The following GREM1 variants were observed in gnomAD, a reference collection of about 807,000 sequenced individuals.
GREM1 encodes gremlin 1, DAN family BMP antagonist.
GREM1 carries 6 observed loss-of-function variants against 13.1 expected under a neutral mutation model. The ratio of observed to expected loss-of-function variants is 0.46; its 90% CI spans 0.25 to 0.91. The LOEUF is 0.91. GREM1 is among the 40% of genes least tolerant of loss of function. The pLI is 0.18. For missense variants in GREM1, 185 were observed against 233.9 expected (o/e 0.79, Z 1.36); for synonymous variants, 98 against 93.7 (o/e 1.05, Z -0.27).
intron 1 of GREM1, among the ~76,000 whole-genome samples, chr15:32,728,267 A>G (rs1333262844): frequency 1.2e-4 from 19 of 152,256 alleles, no homozygotes; most frequent in Admixed American, 1.2e-3. Context: ...CAAAAACAGC[A>G]TGGTATAGTA....
intron 1 of GREM1, among the ~76,000 whole-genome samples, chr15:32,721,514 C>T (rs1032236245): frequency 1.3e-5 from 2 of 152,190 alleles, no homozygotes; most frequent in African/African-American, 4.8e-5. Context: ...TAAGCACTTT[C>T]GGAGACTGAG....
intron 1 of GREM1, chr15:32,718,602 G>C (rs1421970348): frequency 1.0e-5 from 4 of 387,672 alleles, no homozygotes; most frequent in Non-Finnish European, 2.0e-5. Context: ...CATGTGCTTG[G>C]GGCGCCGCGC....
chr15:32,731,040 T>G lies in GREM1; in HGVS notation c.350T>G (p.Phe117Cys). The G allele has an allele frequency of 6.2e-7, 1 of 1,614,216 alleles. No individual in the cohort carries two copies. The highest frequency in any genetic ancestry group is 8.5e-7 in the Non-Finnish European group (1 of 1,180,026). The change falls in exon 2 of 2, where the codon TTC becomes TGC. Residue 117 changes from phenylalanine (F) to cysteine (C), a missense_variant. Phe to Cys is a radical substitution (Grantham distance 205). Coordinates refer to ENST00000651154, the MANE Select transcript of GREM1 (RefSeq NM_013372.7). ...GCNSRTIINRFCYGQCNSFYI... is the reference protein window; with the variant it reads ...GCNSRTIINRCCYGQCNSFYI... ...AACAGTCGCACCATCATCAACCGCT[T>G]CTGTTACGGCCAGTGCAACTCTTTC...
chr15:32,731,668 T>G lies in GREM1; in HGVS notation c.*423T>G, dbSNP rs1055514361. 3.7e-6 allele frequency: 1 copy of G among 271,554 alleles called. No individual in the cohort carries two copies. 16.8% of individuals were successfully genotyped at this position (271,554 alleles called of 1,614,324 possible). On this transcript the variant is annotated 3_prime_UTR_variant, in exon 2 of 2. Coordinates refer to ENST00000651154, the MANE Select transcript of GREM1 (RefSeq NM_013372.7). ...GCAAGAGACCTGTTTTAGTGCTGCA[T>G]TCGACATGGAAAAGTCCTTTTAACC...
At position 32,744,266 on chromosome 15, in the gene GREM1, T is replaced by G. The variant is rs1567119913; in HGVS notation, c.*13021T>G. 6.6e-6 allele frequency: 1 copy of G among 152,154 alleles called. No homozygotes were observed. Among genetic ancestry groups the G allele is most frequent in the Non-Finnish European group, 1.5e-5 (1 of 68,028 alleles). The allele number at this position is 152,154 out of a possible 1,614,324, so 9.4% of individuals were successfully genotyped here. A position where few individuals can be genotyped will look rare whatever the true frequency, so the allele number is the denominator to read the frequency against. On this transcript the variant is annotated 3_prime_UTR_variant, in exon 2 of 2. Coordinates refer to ENST00000651154, the MANE Select transcript of GREM1 (RefSeq NM_013372.7). ...AAGTGCCCTAACCAGTATCTACATC[T>G]GAGTCATTAAGAAAGTTTCAGACAG...
At chr15:32,719,166 A>G (rs969367594) in intron 1 of GREM1, among the ~76,000 whole-genome samples, 1 of 152,238 alleles carries the variant, frequency 6.6e-6, no homozygotes, top group Non-Finnish European at 1.5e-5. Flanking sequence ...GAGCAAGGCC[A>G]TAGCAGGGGA....
At chr15:32,725,645 A>T (rs2055489350) in intron 1 of GREM1, among the ~76,000 whole-genome samples, 1 of 152,096 alleles carries the variant, frequency 6.6e-6, no homozygotes, top group African/African-American at 2.4e-5. Context: ...GTTTAATTAG[A>T]TCCAATTTGT....
intron 1 of GREM1, among the ~76,000 whole-genome samples, chr15:32,719,237 C>G (rs146708309): frequency 6.6e-6 from 1 of 152,340 alleles, no homozygotes; most frequent in East Asian, 1.9e-4. Context: ...AGACTACAGA[C>G]TCCGGAAGAA....
At position 32,731,000 on chromosome 15, in the gene GREM1, C is replaced by CA; in HGVS notation, c.311dup (p.His104GlnfsTer57). ...AACCCAGCCGCTTAAGCAGACCATC[C>CA]ACGAGGAAGGCTGCAACAGTCGCAC... On this transcript the variant is annotated frameshift_variant, in exon 2 of 2. Coordinates refer to ENST00000651154, the MANE Select transcript of GREM1 (RefSeq NM_013372.7). LOFTEE classifies it high-confidence loss of function. 1 of 1,614,214 alleles carries CA rather than the reference C, an allele frequency of 6.2e-7. No individual in the cohort carries two copies. The highest frequency in any genetic ancestry group is 8.5e-7 in the Non-Finnish European group (1 of 1,180,034).
chr15:32,738,154 G>C lies in GREM1; in HGVS notation c.*6909G>C, dbSNP rs1391690412. ...AAAAAGAAAAGAAAAAAGTCATCCAGATTGGAAAAGAAATAAAATGATTTC... is the reference window on the plus strand; with the variant it reads ...AAAAAGAAAAGAAAAAAGTCATCCACATTGGAAAAGAAATAAAATGATTTC... On this transcript the variant is annotated 3_prime_UTR_variant, in exon 2 of 2. Transcript: ENST00000651154. 9.7e-5 allele frequency: 5 copies of C among 51,558 alleles called. No homozygotes were observed. The highest frequency in any genetic ancestry group is 3.6e-4 in the African/African-American group (5 of 13,770). 3.2% of individuals were successfully genotyped at this position (51,558 alleles called of 1,614,324 possible). A position where few individuals can be genotyped will look rare whatever the true frequency, so the allele number is the denominator to read the frequency against.
In GREM1 at chr15:32,731,236, T is replaced by C. The variant is rs2055611522; in HGVS notation, c.546T>C (p.Asp182=). Residue 182 remains aspartate, a synonymous_variant, in exon 2 of 2, where the codon GAT becomes GAC. Transcript: ENST00000651154. Reference sequence around the variant, plus strand: ...AGCAGTGTCGTTGCATATCCATCGATTTGGATTAAGCCAAATCCAGGTGCA... The same window carrying C: ...AGCAGTGTCGTTGCATATCCATCGACTTGGATTAAGCCAAATCCAGGTGCA... ...RVKQCRCISI[D]LD is the part of the protein sequence containing the mutation. 1.2e-6 allele frequency: 2 copies of C among 1,612,858 alleles called. No homozygotes were observed. Among genetic ancestry groups the C allele is most frequent in the African/African-American group, 1.3e-5 (1 of 74,880 alleles).
Position 32,729,843 on chromosome 15 carries a change from C to T in GREM1, c.-1-847C>T, listed in dbSNP as rs115844658. ...ATTTAAAAGGTAGAAAAATGTATAT[C>T]GTGGTACAAAGTGATACATTGAGTA... On this transcript the variant is annotated intron_variant, in intron 1 of 1. Transcript: ENST00000651154. 3.5e-3 allele frequency among the ~76,000 whole-genome samples: 345 copies of T among 98,098 alleles called. 3 individuals are homozygous for T. Among genetic ancestry groups the T allele is most frequent in the African/African-American group, 8.9e-3 (327 of 36,694 alleles). The allele number at this position is 98,098 out of a possible 152,430, so 64.4% of individuals were successfully genotyped here.
At chr15:32,727,384 T>C (rs895856520) in intron 1 of GREM1, among the ~76,000 whole-genome samples, 1 of 152,146 alleles carries the variant, frequency 6.6e-6, no homozygotes, top group Non-Finnish European at 1.5e-5. Context: ...ACAGAACCAA[T>C]GACAAAAACC....
At chr15:32,719,640 G>A (rs942165850) in intron 1 of GREM1, among the ~76,000 whole-genome samples, 9 of 152,112 alleles carry the variant, frequency 5.9e-5, no homozygotes, top group Non-Finnish European at 7.4e-5. Flanking sequence ...GTCTGTTTAT[G>A]TTCCCCTTCG....
chr15:32,736,321 A>G lies in GREM1; in HGVS notation c.*5076A>G, dbSNP rs2055697211. ...AGCAATTGGCTAAATAAAAAGCCTA[A>G]AAGGAGAAGCTGGAAAAAGAGATTT... On this transcript the variant is annotated 3_prime_UTR_variant, in exon 2 of 2. Transcript: ENST00000651154. 6.6e-6 allele frequency: 1 copy of G among 152,192 alleles called. No homozygotes were observed. The highest frequency in any genetic ancestry group is 1.5e-5 in the Non-Finnish European group (1 of 68,042). 9.4% of individuals were successfully genotyped at this position (152,192 alleles called of 1,614,324 possible).
Position 32,743,251 on chromosome 15 carries a change from A to G in GREM1, c.*12006A>G, listed in dbSNP as rs946173884. 1 of 152,178 alleles carries G rather than the reference A, an allele frequency of 6.6e-6. No individual in the cohort carries two copies. The highest frequency in any genetic ancestry group is 1.5e-5 in the Non-Finnish European group (1 of 68,016). 9.4% of individuals were successfully genotyped at this position (152,178 alleles called of 1,614,324 possible). A position where few individuals can be genotyped will look rare whatever the true frequency, so the allele number is the denominator to read the frequency against. On this transcript the variant is annotated 3_prime_UTR_variant, in exon 2 of 2. Transcript: ENST00000651154. ...AGAAAGATTTTTTTCTTTCTCTAGG[A>G]TGACAAGTTATATATAATAAGCCTG...
At position 32,738,125 on chromosome 15, in the gene GREM1, A is replaced by AAAAAAAAAAAAAAACAAAAAAAAAC; in HGVS notation, c.*6888_*6889insAAAAAACAAAAAAAAACAAAAAAAA. 17 of 27,986 alleles carry AAAAAAAAAAAAAAACAAAAAAAAAC rather than the reference A, an allele frequency of 6.1e-4. No homozygotes were observed. The highest frequency in any genetic ancestry group is 9.3e-4 in the Non-Finnish European group (15 of 16,082). 1.7% of individuals were successfully genotyped at this position (27,986 alleles called of 1,614,324 possible). ...AAAAAAAAAAAAAAAAAAAAAAAAA[A>AAAAAAAAAAAAAAACAAAAAAAAAC]AAAAAAAAGAAAAGAAAAAAGTCAT... On this transcript the variant is annotated 3_prime_UTR_variant, in exon 2 of 2. Coordinates refer to ENST00000651154, the MANE Select transcript of GREM1 (RefSeq NM_013372.7).
In GREM1 at chr15:32,731,086, G is replaced by C. The variant is rs1248318812; in HGVS notation, c.396G>C (p.Arg132=). The C allele has an allele frequency of 6.2e-7, 1 of 1,614,070 alleles. No individual in the cohort carries two copies. The highest frequency in any genetic ancestry group is 2.2e-5 in the East Asian group (1 of 44,890). ...CNSFYIPRHI[R]KEEGSFQSCS... ...CTTTCTACATCCCCAGGCACATCCG[G>C]AAGGAGGAAGGTTCCTTTCAGTCCT... Residue 132 remains arginine (R), a synonymous_variant, in exon 2 of 2, where the codon CGG becomes CGC. Transcript: ENST00000651154.
At position 32,731,248 on chromosome 15, in the gene GREM1, C is replaced by T. The variant is rs1172148834; in HGVS notation, c.*3C>T. 1 of 1,608,100 alleles carries T rather than the reference C, an allele frequency of 6.2e-7. No homozygotes were observed. Among genetic ancestry groups the T allele is most frequent in the Non-Finnish European group, 8.5e-7 (1 of 1,175,824 alleles). ...GCATATCCATCGATTTGGATTAAGC[C>T]AAATCCAGGTGCACCCAGCATGTCC... On this transcript the variant is annotated 3_prime_UTR_variant, in exon 2 of 2. Transcript: ENST00000651154.
Sources: gnomAD v4.1 joint callset for allele counts (sites outside exome capture counted in the v4.1 genomes callset) on GRCh38, gnomAD v4.1.1 for gene constraint, MANE v1.5 for transcripts, NCBI Gene and HGNC (gene_info 2026-07-23, HGNC 2026-07-21) for gene names.